The following MED14 variants were observed in gnomAD, a reference collection of about 807,000 sequenced individuals.
MED14 encodes the protein mediator of RNA polymerase II transcription subunit 14.
Under a neutral mutation model 109.0 loss-of-function variants are expected in MED14, and 8 were observed. The observed-to-expected ratio is 0.07, with a 90% CI of 0.04 to 0.13. The LOEUF (loss-of-function observed/expected upper bound fraction) is 0.13, where lower values mean the gene tolerates loss of function less well. Ranked by LOEUF, MED14 falls within the 10% of genes least tolerant of loss-of-function variation. The pLI is 1.00. For missense variants in MED14, 711 were observed against 1,142.4 expected, an observed-to-expected ratio of 0.62 and a Z score of 5.44; for synonymous variants, 399 against 408.7, an observed-to-expected ratio of 0.98 and a Z score of 0.29.
chrX:40,728,343 C>T (rs190374871), intron 2 of MED14, among the ~76,000 whole-genome samples: 1 of 111,402 alleles, frequency 9.0e-6, no homozygotes, highest in South Asian at 3.8e-4. Flanking sequence ...TACCCCAGAG[C>T]GGACAGAACA....
intron 21 of MED14, 98 bp downstream of exon 21, chrX:40,679,766 C>T (rs1482158736): frequency 1.1e-5 from 9 of 819,630 alleles, no homozygotes; most frequent in Admixed American, 3.2e-5. Context: ...TAAATTTAAA[C>T]AGGAATTTGT....
intron 23 of MED14, among the ~76,000 whole-genome samples, chrX:40,670,753 G>A (rs1364668643): frequency 2.1e-5 from 2 of 96,249 alleles, no homozygotes; most frequent in Non-Finnish European, 4.2e-5. Flanking sequence ...GGGCGACAGA[G>A]CGAGACTCTG....
chrX:40,671,989 T>A lies in MED14; in HGVS notation c.3022-17A>T. The A allele has an allele frequency of 9.1e-7, 1 of 1,098,579 alleles. No individual in the cohort carries two copies. The allele number at this position is 1,098,579 out of a possible 1,213,427, so 90.5% of individuals were successfully genotyped here. A position where few individuals can be genotyped will look rare whatever the true frequency, so the allele number is the denominator to read the frequency against. ...TGGAAATGGCTGAAAAGAAGAAAAT[T>A]AAATGTTGGTAAAATGGCCAACCGC... On this transcript the variant is annotated splice_polypyrimidine_tract_variant and intron_variant, in intron 22 of 30. Coordinates refer to ENST00000324817, the MANE Select transcript of MED14 (RefSeq NM_004229.4).
intron 2 of MED14, among the ~76,000 whole-genome samples, chrX:40,728,650 G>C (rs1036161086): frequency 9.0e-6 from 1 of 110,923 alleles, no homozygotes. Flanking sequence ...CTTTAATTTC[G>C]CTTGTTCCTT....
At chrX:40,665,423 G>C (rs1929438887) in intron 24 of MED14, among the ~76,000 whole-genome samples, 1 of 111,020 alleles carries the variant, frequency 9.0e-6, no homozygotes, top group African/African-American at 3.3e-5. Flanking sequence ...TACTTTGCTG[G>C]GGAGGAGGTT....
chrX:40,680,327 G>A (rs1226198227), intron 20 of MED14, among the ~76,000 whole-genome samples, 194 bp from the exon 21 acceptor site: 1 of 111,556 alleles, frequency 9.0e-6, no homozygotes, highest in Non-Finnish European at 1.9e-5. Context: ...AAGTGTTCAA[G>A]ATATAAAAGA....
chrX:40,684,209 G>A (rs1211941247), intron 16 of MED14, among the ~76,000 whole-genome samples: 2 of 111,422 alleles, frequency 1.8e-5, no homozygotes, highest in East Asian at 5.6e-4. Context: ...TTGTTGCGGG[G>A]TGAGGGGGCT....
intron 26 of MED14, among the ~76,000 whole-genome samples, chrX:40,660,439 C>T (rs1389570210): frequency 8.9e-6 from 1 of 111,902 alleles, no homozygotes; most frequent in Admixed American, 9.5e-5. Flanking sequence ...CGGGGGTCGA[C>T]AAACTTTTTC....
chrX:40,676,513 T>C (rs753351138), intron 21 of MED14, among the ~76,000 whole-genome samples: 1 of 112,074 alleles, frequency 8.9e-6, no homozygotes, highest in East Asian at 2.8e-4. Flanking sequence ...AAGTAAGCTG[T>C]GGGAAAAGCC....
chrX:40,715,808 AAAAAG>A (rs1162294564), intron 3 of MED14, among the ~76,000 whole-genome samples: 1 of 104,505 alleles, frequency 9.6e-6, no homozygotes, highest in South Asian at 4.1e-4. Context: ...AAAAAAAAAA[AAAAAG>A]GACAGACAAC....
At chrX:40,734,659 T>A (rs762321483) in intron 1 of MED14, among the ~76,000 whole-genome samples, 177 of 112,345 alleles carry the variant, frequency 1.6e-3, no homozygotes, top group African/African-American at 5.3e-3. Flanking sequence ...CCCTTCATAC[T>A]CCAAGAAATA....
At chrX:40,692,643 T>C in intron 14 of MED14, 65 bp downstream of exon 14, 2 of 1,041,991 alleles carry the variant, frequency 1.9e-6, no homozygotes, top group Non-Finnish European at 2.6e-6. Flanking sequence ...ATATTAAAAA[T>C]GAGTAAAGAA....
At chrX:40,655,147 T>A in intron 28 of MED14, 87 bp from the exon 29 acceptor site, 2 of 924,056 alleles carry the variant, frequency 2.2e-6, no homozygotes, top group Non-Finnish European at 3.0e-6. Context: ...GTTAGAATTT[T>A]GTTTCATACC....
intron 21 of MED14, among the ~76,000 whole-genome samples, chrX:40,676,895 C>A (rs1478645266): frequency 1.8e-5 from 2 of 112,129 alleles, no homozygotes; most frequent in Middle Eastern, 4.2e-3. Flanking sequence ...AATTAAACCT[C>A]TTTCCTTTAT....
chrX:40,678,840 G>GA (rs1930010050), intron 21 of MED14, among the ~76,000 whole-genome samples: 1 of 109,648 alleles, frequency 9.1e-6, no homozygotes, highest in Non-Finnish European at 1.9e-5. Flanking sequence ...AAAAAAAATA[G>GA]AAAAAAGAAT....
intron 23 of MED14, among the ~76,000 whole-genome samples, chrX:40,670,775 A>T (rs1000625917): frequency 1.2e-4 from 13 of 109,147 alleles, no homozygotes; most frequent in South Asian, 3.7e-4. Flanking sequence ...CTCAAAAAAA[A>T]AAAAAAATAA....
At chrX:40,705,037 T>C (rs767460016) in intron 10 of MED14, among the ~76,000 whole-genome samples, 18 of 111,801 alleles carry the variant, frequency 1.6e-4, no homozygotes, top group Non-Finnish European at 3.0e-4. Context: ...TACATATTTG[T>C]ATACAAAATG....
intron 24 of MED14, among the ~76,000 whole-genome samples, chrX:40,666,281 T>C (rs1162977856): frequency 9.0e-6 from 1 of 111,606 alleles, no homozygotes; most frequent in Non-Finnish European, 1.9e-5. Flanking sequence ...ACTTGTTCTA[T>C]TTTTTATCTA....
chrX:40,695,547 G>A (rs1258010637), intron 13 of MED14, among the ~76,000 whole-genome samples: 1 of 112,160 alleles, frequency 8.9e-6, no homozygotes, highest in Non-Finnish European at 1.9e-5. Flanking sequence ...ACATTAAAGC[G>A]TGGTTAAATG....
Sources: allele counts gnomAD v4.1 joint callset (sites outside exome capture counted in the v4.1 genomes callset), GRCh38; gene constraint gnomAD v4.1.1; transcripts MANE v1.5; gene names NCBI Gene and HGNC (gene_info 2026-07-23, HGNC 2026-07-21).